The following CNOT1 variants were observed in gnomAD, a reference collection of about 807,000 sequenced individuals.
The protein encoded by CNOT1 is CCR4-associated factor 1.
Under a neutral mutation model 273.8 loss-of-function variants are expected in CNOT1, and 15 were observed. The ratio of observed to expected loss-of-function variants is 0.05; its 90% confidence interval spans 0.04 to 0.08. The LOEUF (loss-of-function observed/expected upper bound fraction) is 0.08. Among genes scored for constraint, CNOT1 ranks in the 10% least tolerant of loss-of-function variants. The pLI, the probability that CNOT1 is intolerant of heterozygous loss-of-function variation, is 1.00. For missense variants in CNOT1, 1,644 were observed against 2,912.2 expected (o/e 0.56, Z 10.02); for synonymous variants, 1,022 against 1,005.5 (o/e 1.02, Z -0.31).
chr16:58,609,738 T>C (rs116388085), intron 1 of CNOT1, among the ~76,000 whole-genome samples: 95 of 152,180 alleles, frequency 6.2e-4, no homozygotes, highest in African/African-American at 2.0e-3. Flanking sequence ...GTTGGGATTA[T>C]AGCCATGAAC....
chr16:58,544,188 T>A (rs943323738), intron 30 of CNOT1, among the ~76,000 whole-genome samples: 1 of 152,190 alleles, frequency 6.6e-6, no homozygotes, highest in African/African-American at 2.4e-5. Context: ...AAAGACACAC[T>A]GCTGGCTTAT....
intron 30 of CNOT1, among the ~76,000 whole-genome samples, chr16:58,544,630 C>T (rs1253387920): frequency 6.6e-6 from 1 of 152,096 alleles, no homozygotes. Flanking sequence ...CTCTGATACC[C>T]TTTCAATTCC....
chr16:58,575,142 G>A lies in CNOT1; in HGVS notation c.1705-13C>T. The A allele has an allele frequency of 6.2e-7, 1 of 1,610,058 alleles. No homozygotes were observed. The highest frequency in any genetic ancestry group is 1.1e-5 in the South Asian group (1 of 90,102). The stretch of plus-strand genomic sequence containing the variant: ...GCATTGACAAGGCCTAAAGGACAAA[G>A]CACATTAGATAATGCAAATGGAGCA... On this transcript the variant is annotated splice_polypyrimidine_tract_variant and intron_variant, in intron 14 of 48. Coordinates refer to ENST00000317147, the MANE Select transcript of CNOT1 (RefSeq NM_016284.5).
At chr16:58,529,005 A>T (rs1207582996) in intron 43 of CNOT1, among the ~76,000 whole-genome samples, 2 of 152,072 alleles carry the variant, frequency 1.3e-5, no homozygotes, top group Admixed American at 1.3e-4. Flanking sequence ...TAAATTTTTT[A>T]AAGTACTGAA....
intron 1 of CNOT1, among the ~76,000 whole-genome samples, chr16:58,603,978 G>GT (rs1181800530): frequency 2.6e-5 from 4 of 152,144 alleles, no homozygotes. Flanking sequence ...ATGTCCCATA[G>GT]TAAGAACTCA....
At chr16:58,565,256 G>A (rs529476412) in intron 16 of CNOT1, among the ~76,000 whole-genome samples, 4 of 152,006 alleles carry the variant, frequency 2.6e-5, no homozygotes, top group Non-Finnish European at 5.9e-5. Context: ...GGGACTCCAC[G>A]CATACAGACC....
At chr16:58,565,313 C>T (rs1441112697) in intron 16 of CNOT1, among the ~76,000 whole-genome samples, 2 of 152,012 alleles carry the variant, frequency 1.3e-5, no homozygotes, top group Admixed American at 6.6e-5. Context: ...CGGGGTTTCG[C>T]GACATTGCCC....
At chr16:58,593,150 C>T (rs1597542323) in intron 2 of CNOT1, among the ~76,000 whole-genome samples, 1 of 152,168 alleles carries the variant, frequency 6.6e-6, no homozygotes, top group Non-Finnish European at 1.5e-5. Context: ...CGGCCAGGCG[C>T]GGTGGCTGAT....
At chr16:58,528,430 G>C in intron 44 of CNOT1, 45 bp downstream of exon 44, 1 of 1,403,736 alleles carries the variant, frequency 7.1e-7, no homozygotes, top group Non-Finnish European at 1.0e-6. Context: ...AGAAAGGACT[G>C]AAATATTAAG....
chr16:58,546,851 C>T, intron 27 of CNOT1, 102 bp from the exon 28 acceptor site: 1 of 1,407,538 alleles, frequency 7.1e-7, no homozygotes, highest in Admixed American at 2.2e-5. Flanking sequence ...GGGAGTCAAA[C>T]AAATAAAAAA....
intron 44 of CNOT1, 45 bp from the exon 45 acceptor site, chr16:58,526,183 T>C: frequency 6.2e-7 from 1 of 1,606,812 alleles, no homozygotes; most frequent in Non-Finnish European, 8.5e-7. Flanking sequence ...ATCATTTTTA[T>C]TAGTAAATTA....
chr16:58,620,786 G>C (rs945407053), intron 1 of CNOT1, among the ~76,000 whole-genome samples: 21 of 151,464 alleles, frequency 1.4e-4, no homozygotes, highest in African/African-American at 4.9e-4. Flanking sequence ...CCAGATGAAG[G>C]TATTAGAATG....
chr16:58,622,262 C>T (rs529541387), intron 1 of CNOT1, among the ~76,000 whole-genome samples: 13 of 140,220 alleles, frequency 9.3e-5, no homozygotes, highest in East Asian at 6.6e-4. Flanking sequence ...TGCAGTGAGC[C>T]GAGATGGCGC....
intron 2 of CNOT1, among the ~76,000 whole-genome samples, chr16:58,594,338 G>A (rs1275040615): frequency 4.6e-5 from 7 of 152,148 alleles, no homozygotes; most frequent in Non-Finnish European, 1.0e-4. Flanking sequence ...AATGCACCAA[G>A]GCAGAAATAG....
intron 16 of CNOT1, among the ~76,000 whole-genome samples, chr16:58,573,775 C>G (rs1262801574): frequency 1.3e-5 from 2 of 152,060 alleles, no homozygotes; most frequent in South Asian, 4.2e-4. Flanking sequence ...GCCACCGCAC[C>G]CAGCCTTAAC....
Position 58,525,218 on chromosome 16 carries a change from C to T in CNOT1, c.6745G>A (p.Asp2249Asn). ...TCCACAGCCAAATTCTGGAAGATAT[C>T]CATGTGTGCTGAGTGAGTGATGGTG... ...MSTITHSAHM[D>N]IFQNLAVDLD... Residue 2249 changes from aspartate to asparagine, a missense_variant, in exon 46 of 49, where the codon GAT (aspartate) becomes AAT (asparagine). Transcript: ENST00000317147. 6.2e-7 allele frequency: 1 copy of T among 1,613,822 alleles called. No homozygotes were observed.
intron 24 of CNOT1, 63 bp downstream of exon 24, chr16:58,551,069 T>A (rs1435854443): frequency 6.3e-7 from 1 of 1,582,338 alleles, no homozygotes; most frequent in African/African-American, 1.4e-5. Flanking sequence ...AAGGGCCAAC[T>A]ATACATCCTT....
At chr16:58,555,102 G>T (rs1366708467) in intron 21 of CNOT1, 149 bp downstream of exon 21, 1 of 1,146,982 alleles carries the variant, frequency 8.7e-7, no homozygotes, top group Non-Finnish European at 1.2e-6. Context: ...CAGCTACTCA[G>T]GAGGCTGAAG....
At chr16:58,549,560 T>C (rs1230552675) in intron 25 of CNOT1, among the ~76,000 whole-genome samples, 159 bp downstream of exon 25, 2 of 152,174 alleles carry the variant, frequency 1.3e-5, no homozygotes, top group East Asian at 3.9e-4. Flanking sequence ...AAGTTCTGCA[T>C]AAAATTTAGT....
Sources: allele counts gnomAD v4.1 joint callset (sites outside exome capture counted in the v4.1 genomes callset), GRCh38; gene constraint gnomAD v4.1.1; transcripts MANE v1.5; gene names NCBI Gene and HGNC (gene_info 2026-07-23, HGNC 2026-07-21).